PREP: variants seen among roughly 807,000 people sequenced by gnomAD.
PREP encodes prolyl endopeptidase.
A neutral mutation model predicts 87.6 loss-of-function variants in PREP; 29 were observed. That is an observed-to-expected ratio of 0.33 (90% CI 0.25 to 0.45). The LOEUF (loss-of-function observed/expected upper bound fraction) is 0.45, where lower values mean the gene tolerates loss of function less well. PREP is among the 20% of genes least tolerant of loss of function. PREP has a pLI of 1.00. For missense variants in PREP, 695 were observed against 886.5 expected (o/e 0.78, Z 2.74); for synonymous variants, 337 against 328.6 (o/e 1.03, Z -0.28).
At chr6:105,355,467 T>A (rs1208550290) in intron 6 of PREP, among the ~76,000 whole-genome samples, 1 of 152,218 alleles carries the variant, frequency 6.6e-6, no homozygotes, top group Non-Finnish European at 1.5e-5. Context: ...GAATTTGGTG[T>A]CATTTCTTAT....
intron 10 of PREP, chr6:105,322,947 T>C: frequency 1.6e-6 from 2 of 1,256,550 alleles, no homozygotes; most frequent in Middle Eastern, 2.3e-4. Context: ...AATGTTCTGA[T>C]TCCTAATCTG....
At chr6:105,378,540 G>C (rs1433768958) in intron 2 of PREP, among the ~76,000 whole-genome samples, 1 of 152,188 alleles carries the variant, frequency 6.6e-6, no homozygotes, top group African/African-American at 2.4e-5. Context: ...AGAAAGGCAA[G>C]AGATGGCCAT....
intron 7 of PREP, among the ~76,000 whole-genome samples, chr6:105,349,921 A>T (rs960048222): frequency 6.7e-6 from 1 of 149,836 alleles, no homozygotes; most frequent in Non-Finnish European, 1.5e-5. Context: ...AAAAAAAAAA[A>T]AGCAAAAAAG....
intron 7 of PREP, among the ~76,000 whole-genome samples, chr6:105,337,599 T>C (rs1771514121): frequency 6.6e-6 from 1 of 152,210 alleles, no homozygotes; most frequent in African/African-American, 2.4e-5. Flanking sequence ...CTCCCAATTA[T>C]GCTTTATTTC....
chr6:105,342,111 T>G (rs956015036), intron 7 of PREP, among the ~76,000 whole-genome samples: 1 of 152,186 alleles, frequency 6.6e-6, no homozygotes, highest in South Asian at 2.1e-4. Context: ...ATATCCCTGA[T>G]GAACATCGAT....
intron 2 of PREP, among the ~76,000 whole-genome samples, chr6:105,381,054 T>A (rs886437572): frequency 6.6e-6 from 1 of 152,248 alleles, no homozygotes; most frequent in Non-Finnish European, 1.5e-5. Context: ...AAAACTGTTA[T>A]GCCAGGCATA....
At chr6:105,332,890 G>A (rs549810807) in intron 8 of PREP, among the ~76,000 whole-genome samples, 13 of 152,156 alleles carry the variant, frequency 8.5e-5, no homozygotes, top group African/African-American at 2.4e-4. Flanking sequence ...CTAATAAGAG[G>A]GCTCTAAATC....
chr6:105,282,365 T>TAAGTC lies in PREP; in HGVS notation c.1681+81_1681+85dup, dbSNP rs28362536. 21,173 of 1,487,522 alleles carry TAAGTC rather than the reference T, an allele frequency of 0.014. 919 individuals carry two copies. In the East Asian group the frequency reaches 0.16, roughly 11 times the overall value. 92.1% of individuals were successfully genotyped at this position (1,487,522 alleles called of 1,614,324 possible). ...CACTTTGTGGTCCTATCCACAAAGT[T>TAAGTC]AAGTCAAGAGCTGCCTACAGATGGT... is the stretch of plus-strand genomic sequence containing the variant. On this transcript the variant is annotated intron_variant, in intron 13 of 14. Coordinates refer to ENST00000652536, the MANE Select transcript of PREP (RefSeq NM_002726.5).
intron 7 of PREP, 70 bp downstream of exon 7, chr6:105,352,902 A>AT: frequency 1.5e-6 from 2 of 1,350,678 alleles, no homozygotes; most frequent in South Asian, 1.2e-5. Context: ...AAATCAATTA[A>AT]TAGACCACAA....
intron 1 of PREP, among the ~76,000 whole-genome samples, chr6:105,402,418 T>TCACA (rs36086068): frequency 0.052 from 7,629 of 147,168 alleles, 508 homozygotes; most frequent in African/African-American, 0.16. Flanking sequence ...AAATGTGACA[T>TCACA]CACACACACA....
intron 9 of PREP, among the ~76,000 whole-genome samples, chr6:105,324,028 T>G (rs935634742): frequency 1.2e-4 from 19 of 152,356 alleles, no homozygotes; most frequent in Admixed American, 1.1e-3. Flanking sequence ...AGTAAGTATA[T>G]ACATTTTAGA....
chr6:105,355,828 AT>A (rs1299230052), intron 6 of PREP, among the ~76,000 whole-genome samples: 1 of 151,960 alleles, frequency 6.6e-6, no homozygotes. Flanking sequence ...CAACTTTTGC[AT>A]TTTCTTTTAT....
At position 105,281,995 on chromosome 6, in the gene PREP, A is replaced by G. The variant is rs115308903; in HGVS notation, c.1682-93T>C. The G allele has an allele frequency of 4.1e-4, 581 of 1,430,798 alleles. 5 individuals are homozygous for G. The African/African-American group carries it at 7.5e-3, about 19-fold the overall frequency. 88.6% of individuals were successfully genotyped at this position (1,430,798 alleles called of 1,614,324 possible). ...GCAATACTTACTTACATGCTTCCAG[A>G]GCCCTGGTTGCATTTATCCAGAGCA... On this transcript the variant is annotated intron_variant, in intron 13 of 14. Transcript: ENST00000652536.
intron 7 of PREP, among the ~76,000 whole-genome samples, chr6:105,336,858 T>C (rs1286352279): frequency 1.3e-5 from 2 of 152,240 alleles, no homozygotes; most frequent in African/African-American, 4.8e-5. Flanking sequence ...TGGTGGGCTG[T>C]ACTCTAGGTA....
chr6:105,335,957 T>C (rs553487489), intron 7 of PREP, among the ~76,000 whole-genome samples: 1 of 152,214 alleles, frequency 6.6e-6, no homozygotes, highest in African/African-American at 2.4e-5. Context: ...AAAACTCAAA[T>C]TTAAAATAAG....
Position 105,333,222 on chromosome 6 carries a change from GT to G in PREP, c.1015+91del, listed in dbSNP as rs1771384564. The G allele has an allele frequency of 1.8e-5, 23 of 1,264,466 alleles. No individual in the cohort carries two copies. The South Asian group carries it at 2.9e-4, about 16-fold the overall frequency. The allele number at this position is 1,264,466 out of a possible 1,614,324, so 78.3% of individuals were successfully genotyped here. ...TTACAGGTTGAAGGTTTTTTACCTT[GT>G]AACAGATCACTAGAGAATGAGAGAC... On this transcript the variant is annotated intron_variant, in intron 8 of 14. Coordinates refer to ENST00000652536, the MANE Select transcript of PREP (RefSeq NM_002726.5).
In PREP at chr6:105,282,461, G is replaced by A. The variant is rs748678074; in HGVS notation, c.1671C>T (p.Gly557=). The A allele has an allele frequency of 1.4e-5, 22 of 1,613,590 alleles. No homozygotes were observed. The highest frequency in any genetic ancestry group is 1.8e-5 in the Non-Finnish European group (21 of 1,179,866). Residue 557 remains glycine, a synonymous_variant, in exon 13 of 15, where the codon GGC becomes GGT. Coordinates refer to ENST00000652536, the MANE Select transcript of PREP (RefSeq NM_002726.5). ...RLTINGGSNG[G]LLVAACANQR... ...AAATCCAGTACTCACCCACTAAGAG[G>A]CCTCCATTTGAACCTCCATTAATAG... is the stretch of plus-strand genomic sequence containing the variant.
At chr6:105,390,985 A>G (rs900286579) in intron 2 of PREP, among the ~76,000 whole-genome samples, 1 of 151,362 alleles carries the variant, frequency 6.6e-6, no homozygotes, top group Non-Finnish European at 1.5e-5. Flanking sequence ...CATGAGGCCC[A>G]TCTCCCTAGT....
chr6:105,288,794 T>C lies in PREP; in HGVS notation c.1418A>G (p.Tyr473Cys), dbSNP rs1472084323. Residue 473 changes from tyrosine (Y) to cysteine (C), a missense_variant, in exon 11 of 15, where the codon TAT (tyrosine) becomes TGT (cysteine). Coordinates refer to ENST00000652536, the MANE Select transcript of PREP (RefSeq NM_002726.5). ...DGSHPAFLYG[Y>C]GGFNISITPN... ...TGTGATGGATATGTTGAAGCCGCCA[T>C]AGCCATATAAGAAAGCTGGATGAGA... The C allele has an allele frequency of 5.6e-6, 9 of 1,614,084 alleles. No individual in the cohort carries two copies. The highest frequency in any genetic ancestry group is 1.7e-5 in the Admixed American group (1 of 60,006).
Sources: allele counts gnomAD v4.1 joint callset (sites outside exome capture counted in the v4.1 genomes callset), GRCh38; gene constraint gnomAD v4.1.1; transcripts MANE v1.5; gene names NCBI Gene and HGNC (gene_info 2026-07-23, HGNC 2026-07-21).